The following MLXIP variants were observed in gnomAD, a reference collection of about 807,000 sequenced individuals.
MLXIP encodes the protein MLX-interacting protein.
MLXIP carries 30 observed loss-of-function variants against 87.2 expected under a neutral mutation model. The ratio of observed to expected loss-of-function variants is 0.34; its 90% CI spans 0.26 to 0.47. The LOEUF is 0.47. Ranked by LOEUF, MLXIP falls within the 20% of genes least tolerant of loss-of-function variation. The probability of loss-of-function intolerance (pLI) is 1.00; values close to 1 mark genes in which losing one functional copy is unlikely to be tolerated. For synonymous variants in MLXIP, 530 were observed against 514.0 expected (o/e 1.03, Z -0.42); for missense variants, 1,002 against 1,240.1 (o/e 0.81, Z 2.88).
chr12:122,120,047 GTGGATACGACCTGTGTCCTACTGATGA>G (rs1236588608), intron 1 of MLXIP, among the ~76,000 whole-genome samples: 8 of 152,222 alleles, frequency 5.3e-5, no homozygotes, highest in African/African-American at 1.4e-4. Context: ...TAGCCCAAAG[GTGGATACGACCTGTGTCCTACTGATGA>G]TGGATAAACA....
Position 122,129,665 on chromosome 12 carries a change from T to A in MLXIP, c.738+36T>A, listed in dbSNP as rs746731065. 9.0e-6 allele frequency: 14 copies of A among 1,550,882 alleles called. No homozygotes were observed. The South Asian group carries it at 1.5e-4, about 16-fold the overall frequency. ...CTGGGAGCTCTGAGGACCCCCACTT[T>A]GACATGAGACAGCAGGGACTTCGGT... On this transcript the variant is annotated intron_variant, in intron 5 of 16. Coordinates refer to ENST00000319080, the MANE Select transcript of MLXIP (RefSeq NM_014938.6).
intron 1 of MLXIP, among the ~76,000 whole-genome samples, chr12:122,088,394 C>G (rs1440235782): frequency 6.6e-6 from 1 of 152,156 alleles, no homozygotes. Flanking sequence ...GAAAAATCTT[C>G]TAGAAGGAGG....
intron 1 of MLXIP, among the ~76,000 whole-genome samples, chr12:122,104,569 CCTTTT>C (rs1305454140): frequency 2.7e-5 from 4 of 146,342 alleles, no homozygotes; most frequent in Non-Finnish European, 6.0e-5. Flanking sequence ...ACCATAATTA[CCTTTT>C]CTTTTTTTTT....
chr12:122,129,512 AG>A lies in MLXIP; in HGVS notation c.697-75del. 2.6e-6 allele frequency: 4 copies of A among 1,545,914 alleles called. No homozygotes were observed. In the South Asian group the frequency reaches 3.5e-5, roughly 13 times the overall value. ...CAGGACCCCTACCTGCCTCCCTGAGAGTTCTGTATATTCTAGAGCCCTTGGG... is the reference window on the plus strand; with the variant it reads ...CAGGACCCCTACCTGCCTCCCTGAGATTCTGTATATTCTAGAGCCCTTGGG... On this transcript the variant is annotated intron_variant, in intron 4 of 16. Coordinates refer to ENST00000319080, the MANE Select transcript of MLXIP (RefSeq NM_014938.6).
intron 1 of MLXIP, among the ~76,000 whole-genome samples, chr12:122,092,176 C>T (rs542479291): frequency 9.9e-5 from 15 of 152,070 alleles, no homozygotes; most frequent in Non-Finnish European, 1.9e-4. Context: ...CAGCTCATTG[C>T]AACCTCCACA....
At chr12:122,129,906 T>C in intron 5 of MLXIP, 35 bp from the exon 6 acceptor site, 1 of 1,586,054 alleles carries the variant, frequency 6.3e-7, no homozygotes, top group Non-Finnish European at 8.6e-7. Context: ...CTGTTACTCT[T>C]TGATGCTTCC....
At chr12:122,085,455 G>A (rs1020523491) in intron 1 of MLXIP, among the ~76,000 whole-genome samples, 2 of 151,282 alleles carry the variant, frequency 1.3e-5, no homozygotes, top group African/African-American at 4.9e-5. Context: ...CCAGGCTGGA[G>A]TGCAATGGCG....
Position 122,129,687 on chromosome 12 carries a change from C to T in MLXIP, c.738+58C>T, listed in dbSNP as rs544468142. On this transcript the variant is annotated intron_variant, in intron 5 of 16. Coordinates refer to ENST00000319080, the MANE Select transcript of MLXIP (RefSeq NM_014938.6). ...CTTTGACATGAGACAGCAGGGACTT[C>T]GGTGGCCCACCAGGGAGCCCTGCAA... 15 of 1,593,412 alleles carry T rather than the reference C, an allele frequency of 9.4e-6. No homozygotes were observed. The African/African-American group carries it at 1.2e-4, about 13-fold the overall frequency.
chr12:122,090,836 C>T (rs898290952), intron 1 of MLXIP, among the ~76,000 whole-genome samples: 11 of 152,168 alleles, frequency 7.2e-5, no homozygotes, highest in African/African-American at 2.4e-4. Context: ...ACCTTGGAAA[C>T]GCTGCACTAG....
Position 122,147,166 on chromosome 12 carries a change from A to T in MLXIP, c.*5354A>T, listed in dbSNP as rs560482496. On this transcript the variant is annotated 3_prime_UTR_variant, in exon 17 of 17. Coordinates refer to ENST00000319080, the MANE Select transcript of MLXIP (RefSeq NM_014938.6). ...TTCCACCTCGTGGTCTGAAGAACAA[A>T]CCAGAGAAGAGTCTGGTTTGGCCAG... The T allele has an allele frequency of 2.0e-5, 3 of 152,102 alleles. No individual in the cohort carries two copies. Among genetic ancestry groups the T allele is most frequent in the African/African-American group, 7.2e-5 (3 of 41,476 alleles). 9.4% of individuals were successfully genotyped at this position (152,102 alleles called of 1,614,324 possible).
chr12:122,095,157 TGGTGTGTGTGGTGAGTGCGGTGTGG>T (rs1952332346), intron 1 of MLXIP, among the ~76,000 whole-genome samples: 1 of 103,198 alleles, frequency 9.7e-6, no homozygotes, highest in Admixed American at 9.8e-5. Context: ...TGCGGTGTGG[TGGTGTGTGTGGTGAGTGCGGTGTGG>T]TGGTGTGTGT....
chr12:122,122,905 C>T (rs983532359), intron 1 of MLXIP, among the ~76,000 whole-genome samples: 3 of 149,996 alleles, frequency 2.0e-5, no homozygotes, highest in Admixed American at 6.6e-5. Context: ...ATTGCCCAGG[C>T]TGGTCTGGAA....
At chr12:122,127,802 A>G (rs900606781) in intron 2 of MLXIP, 81 bp from the exon 3 acceptor site, 1 of 1,098,400 alleles carries the variant, frequency 9.1e-7, no homozygotes, top group Non-Finnish European at 1.4e-6. Context: ...GGTCTGCCCT[A>G]GGGGAGGGGT....
In MLXIP at chr12:122,078,786, C is replaced by A; in HGVS notation, c.-68C>A. On this transcript the variant is annotated 5_prime_UTR_variant, in exon 1 of 17. Transcript: ENST00000319080. ...GCGCGCGGGCCGGGCCGGGCCGGCG[C>A]CCCTCTGCCTCGCGCGCTTGTCGCG... The A allele has an allele frequency of 2.9e-6, 3 of 1,023,326 alleles. No individual in the cohort carries two copies. The highest frequency in any genetic ancestry group is 3.5e-6 in the Non-Finnish European group (3 of 856,256). The allele number at this position is 1,023,326 out of a possible 1,614,324, so 63.4% of individuals were successfully genotyped here.
chr12:122,093,452 GGT>G (rs1209474865), intron 1 of MLXIP, among the ~76,000 whole-genome samples: 1 of 145,994 alleles, frequency 6.8e-6, no homozygotes, highest in African/African-American at 2.5e-5. Context: ...GTATGTGTGG[GGT>G]GTGTGTATGT....
intron 1 of MLXIP, among the ~76,000 whole-genome samples, chr12:122,093,915 T>G (rs1952295598): frequency 8.0e-6 from 1 of 125,538 alleles, no homozygotes; most frequent in African/African-American, 3.1e-5. Context: ...TGTGTGTGTT[T>G]GCGGTGTCTG....
Position 122,138,885 on chromosome 12 carries a change from A to G in MLXIP, c.2455A>G (p.Met819Val), listed in dbSNP as rs1240658727. 1.2e-6 allele frequency: 2 copies of G among 1,614,036 alleles called. No individual in the cohort carries two copies. The highest frequency in any genetic ancestry group is 1.7e-6 in the Non-Finnish European group (2 of 1,179,896). The change falls in exon 15 of 17, where the codon ATG becomes GTG. Residue 819 changes from methionine (M) to valine (V), a missense_variant. By Grantham distance (21) the Met-to-Val change is conservative. Transcript: ENST00000319080. Reference sequence around the variant, plus strand: ...GCGCCAGTTTGATCACATGAAAGACATGTTTGACGAATACGTGAAAACCCG... The same window carrying G: ...GCGCCAGTTTGATCACATGAAAGACGTGTTTGACGAATACGTGAAAACCCG... ...TRRQFDHMKD[M>V]FDEYVKTRTL...
Position 122,113,677 on chromosome 12 carries a change from A to ATTTTT in MLXIP, c.414-13576_414-13575insTTTTT, listed in dbSNP as rs1305197741. Among the ~76,000 whole-genome samples the ATTTTT allele has an allele frequency of 3.0e-4, 26 of 87,954 alleles. 1 individual carries two copies. Among genetic ancestry groups the ATTTTT allele is most frequent in the Admixed American group, 6.7e-4 (6 of 8,960 alleles). The allele number at this position is 87,954 out of a possible 152,430, so 57.7% of individuals were successfully genotyped here. A position where few individuals can be genotyped will look rare whatever the true frequency, so the allele number is the denominator to read the frequency against. On this transcript the variant is annotated intron_variant, in intron 1 of 16. Coordinates refer to ENST00000319080, the MANE Select transcript of MLXIP (RefSeq NM_014938.6). ...TAGAACAGTCCATATAACTGCCTTC[A>ATTTTT]TTTCTTTTTTTTTTTTTTTTTTTTT...
At chr12:122,105,524 A>C (rs1429103471) in intron 1 of MLXIP, among the ~76,000 whole-genome samples, 1 of 151,622 alleles carries the variant, frequency 6.6e-6, no homozygotes, top group Non-Finnish European at 1.5e-5. Flanking sequence ...TTTAGTGGAG[A>C]TGGGGTTTCT....
Sources: allele counts gnomAD v4.1 joint callset (sites outside exome capture counted in the v4.1 genomes callset), GRCh38; gene constraint gnomAD v4.1.1; transcripts MANE v1.5; gene names NCBI Gene and HGNC (gene_info 2026-07-23, HGNC 2026-07-21).